DPYD: variants seen among roughly 807,000 people sequenced by gnomAD.
DPYD encodes dihydropyrimidine dehydrogenase [NADP(+)].
Under a neutral mutation model 116.2 loss-of-function variants are expected in DPYD, and 109 were observed. The observed-to-expected ratio is 0.94, with a 90% confidence interval of 0.80 to 1.10. The LOEUF is 1.10. Among genes scored for constraint, DPYD ranks in the 50% least tolerant of loss-of-function variants. The pLI, the probability that DPYD is intolerant of heterozygous loss-of-function variation, is 0.00. For synonymous variants in DPYD, 440 were observed against 432.0 expected (o/e 1.02, Z -0.23); for missense variants, 1,302 against 1,254.5 (o/e 1.04, Z -0.57).
intron 3 of DPYD, among the ~76,000 whole-genome samples, chr1:97,758,583 C>T (rs1665393576): frequency 6.6e-6 from 1 of 152,132 alleles, no homozygotes; most frequent in Non-Finnish European, 1.5e-5. Context: ...TTTGACAACT[C>T]TAATCTGGTC....
intron 8 of DPYD, among the ~76,000 whole-genome samples, chr1:97,636,725 G>A (rs1227088921): frequency 6.6e-6 from 1 of 152,138 alleles, no homozygotes; most frequent in Non-Finnish European, 1.5e-5. Flanking sequence ...CTACCGAAGA[G>A]TCTTGAATGC....
chr1:97,345,443 A>G (rs926861488), intron 16 of DPYD, among the ~76,000 whole-genome samples: 2 of 151,972 alleles, frequency 1.3e-5, no homozygotes, highest in African/African-American at 4.8e-5. Context: ...CTTTGTGATC[A>G]AAACAAAAGT....
chr1:97,161,843 T>C lies in DPYD; in HGVS notation c.2622+31226A>G, dbSNP rs544561036. On this transcript the variant is annotated intron_variant, in intron 20 of 22. Transcript: ENST00000370192. ...GGTGTTTGGTTTTTTGTCCTTGCGA[T>C]AGTTTACTGAGAATGATGATTTCCA... 3.3e-3 allele frequency among the ~76,000 whole-genome samples: 493 copies of C among 151,142 alleles called. 2 individuals carry two copies. Among genetic ancestry groups the C allele is most frequent in the East Asian group, 0.025 (125 of 5,064 alleles).
intron 19 of DPYD, among the ~76,000 whole-genome samples, chr1:97,212,668 C>G (rs1024569655): frequency 6.6e-6 from 1 of 152,046 alleles, no homozygotes; most frequent in African/African-American, 2.4e-5. Flanking sequence ...GCAGTTGCAC[C>G]GTTTTATATT....
intron 16 of DPYD, among the ~76,000 whole-genome samples, chr1:97,348,844 G>T (rs999361296): frequency 6.6e-6 from 1 of 152,086 alleles, no homozygotes; most frequent in Non-Finnish European, 1.5e-5. Flanking sequence ...GGGGAATATT[G>T]ATCCAGATGT....
intron 13 of DPYD, among the ~76,000 whole-genome samples, chr1:97,468,669 A>G (rs938650573): frequency 6.6e-5 from 10 of 152,208 alleles, no homozygotes; most frequent in African/African-American, 2.4e-4. Context: ...TTCTTAACTC[A>G]TAGGCAGTAC....
At chr1:97,511,434 T>G (rs1355723256) in intron 13 of DPYD, among the ~76,000 whole-genome samples, 1 of 151,982 alleles carries the variant, frequency 6.6e-6, no homozygotes, top group African/African-American at 2.4e-5. Context: ...CAGGCCAAAG[T>G]ACCTTTCCCC....
At chr1:97,715,135 C>G (rs1050514711) in intron 5 of DPYD, among the ~76,000 whole-genome samples, 1 of 152,014 alleles carries the variant, frequency 6.6e-6, no homozygotes, top group African/African-American at 2.4e-5. Context: ...CACTTTGATT[C>G]TTAGTTTCCT....
At chr1:97,102,779 T>G (rs1650838468) in intron 20 of DPYD, among the ~76,000 whole-genome samples, 1 of 151,936 alleles carries the variant, frequency 6.6e-6, no homozygotes, top group Non-Finnish European at 1.5e-5. Flanking sequence ...TGTAAGTATC[T>G]TTTGCTATTC....
intron 1 of DPYD, among the ~76,000 whole-genome samples, chr1:97,895,966 T>C (rs1272891443): frequency 6.6e-6 from 1 of 151,670 alleles, no homozygotes; most frequent in Non-Finnish European, 1.5e-5. Flanking sequence ...TTAAAATAAT[T>C]TAAGTTTATA....
chr1:97,916,796 C>T (rs1464950548), intron 1 of DPYD, among the ~76,000 whole-genome samples: 1 of 152,066 alleles, frequency 6.6e-6, no homozygotes, highest in Admixed American at 6.5e-5. Flanking sequence ...TCGCTTGAGC[C>T]CAAGAGTACA....
chr1:97,187,756 G>A (rs1451075578), intron 20 of DPYD, among the ~76,000 whole-genome samples: 2 of 152,060 alleles, frequency 1.3e-5, no homozygotes, highest in Non-Finnish European at 2.9e-5. Context: ...AATATGGTTA[G>A]AGGTAGAAGT....
chr1:97,737,339 CT>C (rs1664018902), intron 4 of DPYD, among the ~76,000 whole-genome samples: 1 of 152,084 alleles, frequency 6.6e-6, no homozygotes, highest in African/African-American at 2.4e-5. Flanking sequence ...CTTATCACTA[CT>C]TTTTGTTGCA....
chr1:97,382,523 T>C, intron 14 of DPYD, 62 bp from the exon 15 acceptor site: 1 of 908,156 alleles, frequency 1.1e-6, no homozygotes, highest in Non-Finnish European at 1.6e-6. Context: ...CACAAAGATA[T>C]ATTAATATTT....
intron 3 of DPYD, among the ~76,000 whole-genome samples, chr1:97,798,837 G>A (rs1056798189): frequency 1.3e-5 from 2 of 151,860 alleles, no homozygotes; most frequent in African/African-American, 4.8e-5. Flanking sequence ...GCACATATAT[G>A]TTCAGAAACA....
chr1:97,694,423 G>C (rs1156781753), intron 6 of DPYD, among the ~76,000 whole-genome samples: 1 of 152,292 alleles, frequency 6.6e-6, no homozygotes, highest in East Asian at 1.9e-4. Flanking sequence ...AGGAGGGAAG[G>C]CTTATTGTGG....
At chr1:97,260,544 T>C (rs77285274) in intron 18 of DPYD, among the ~76,000 whole-genome samples, 11,451 of 152,128 alleles carry the variant, frequency 0.075, 973 homozygotes, top group African/African-American at 0.21. Flanking sequence ...TGTATAAGTA[T>C]ACAATTGAAA....
intron 8 of DPYD, among the ~76,000 whole-genome samples, chr1:97,616,308 C>A (rs1368375373): frequency 2.0e-5 from 3 of 152,124 alleles, no homozygotes; most frequent in Non-Finnish European, 4.4e-5. Flanking sequence ...CTTTTCTCAG[C>A]ATCATAAAAG....
chr1:97,395,829 G>A (rs1672978378), intron 14 of DPYD, among the ~76,000 whole-genome samples: 1 of 151,872 alleles, frequency 6.6e-6, no homozygotes, highest in South Asian at 2.1e-4. Flanking sequence ...CTACCAAGAC[G>A]ACAAGCCAGC....
Sources: gnomAD v4.1 joint callset for allele counts (sites outside exome capture counted in the v4.1 genomes callset) on GRCh38, gnomAD v4.1.1 for gene constraint, MANE v1.5 for transcripts, NCBI Gene and HGNC (gene_info 2026-07-23, HGNC 2026-07-21) for gene names.